TMEM131L: variants seen among roughly 807,000 people sequenced by gnomAD.
TMEM131L encodes the protein transmembrane 131 like.
In TMEM131L, 54 loss-of-function variants were observed where a neutral mutation model predicts 192.2. The ratio of observed to expected loss-of-function variants is 0.28; its 90% CI spans 0.23 to 0.35. TMEM131L has a LOEUF of 0.35. TMEM131L is among the 10% of genes least tolerant of loss of function. The pLI, the probability that TMEM131L is intolerant of heterozygous loss-of-function variation, is 1.00. For synonymous variants in TMEM131L, 701 were observed against 704.9 expected (o/e 0.99, Z 0.09); for missense variants, 1,888 against 1,972.9 (o/e 0.96, Z 0.82).
chr4:153,602,763 G>A (rs755078159), intron 23 of TMEM131L, 36 bp downstream of exon 23: 1 of 1,586,338 alleles, frequency 6.3e-7, no homozygotes, highest in Non-Finnish European at 8.6e-7. Flanking sequence ...CTCTCACTGA[G>A]TAGAGAAGTC....
At chr4:153,496,890 T>C (rs1733211888) in intron 3 of TMEM131L, among the ~76,000 whole-genome samples, 1 of 151,730 alleles carries the variant, frequency 6.6e-6, no homozygotes, top group Admixed American at 6.6e-5. Context: ...AGACAGGGTC[T>C]CATTATGTGG....
At chr4:153,549,990 A>G (rs572802382) in intron 3 of TMEM131L, 83 bp from the exon 4 acceptor site, 193 of 578,386 alleles carry the variant, frequency 3.3e-4, no homozygotes, top group Non-Finnish European at 4.3e-4. Context: ...TCATGCATTG[A>G]GAGTCATTAG....
intron 31 of TMEM131L, among the ~76,000 whole-genome samples, chr4:153,632,129 AT>A (rs1734253492): frequency 6.6e-6 from 1 of 152,184 alleles, no homozygotes; most frequent in Non-Finnish European, 1.5e-5. Flanking sequence ...CCTGGTCAAC[AT>A]GGTGAAACCC....
chr4:153,483,513 A>G (rs1053035160), intron 3 of TMEM131L, among the ~76,000 whole-genome samples: 11 of 152,244 alleles, frequency 7.2e-5, no homozygotes, highest in African/African-American at 2.6e-4. Context: ...CGTGGGTCAC[A>G]AAGTGAGACC....
chr4:153,598,452 T>C, intron 20 of TMEM131L, 138 bp from the exon 21 acceptor site: 1 of 757,706 alleles, frequency 1.3e-6, no homozygotes, highest in Non-Finnish European at 2.1e-6. Flanking sequence ...GATACCACAC[T>C]ATTTAAATTG....
At chr4:153,473,690 G>T (rs973749580) in intron 2 of TMEM131L, among the ~76,000 whole-genome samples, 155 bp from the exon 3 acceptor site, 2 of 152,204 alleles carry the variant, frequency 1.3e-5, no homozygotes, top group Non-Finnish European at 2.9e-5. Flanking sequence ...TACTTGGGAG[G>T]CTGAGGCAGG....
At chr4:153,545,752 C>T (rs1480626037) in intron 3 of TMEM131L, among the ~76,000 whole-genome samples, 1 of 152,180 alleles carries the variant, frequency 6.6e-6, no homozygotes, top group Non-Finnish European at 1.5e-5. Context: ...ACAGGTCCTG[C>T]TGCTGAGAAA....
At position 153,473,846 on chromosome 4, in the gene TMEM131L, G is replaced by A; in HGVS notation, c.197G>A (p.Gly66Asp). Residue 66 changes from glycine (G) to aspartate (D), a missense_variant and splice_region_variant, in exon 3 of 35, where the codon GGT becomes GAT. Gly to Asp is a moderately conservative substitution (Grantham distance 94, BLOSUM62 -1). Transcript: ENST00000409959. The stretch of plus-strand genomic sequence containing the variant: ...TTAACACATGTTCTTTTTCAATAGG[G>A]TGATTCTGAAGAGGGTCTGGAGGAG... ...EEGELLLPTQ[G>D]DSEEGLEEPS... 3 of 1,543,310 alleles carry A rather than the reference G, an allele frequency of 1.9e-6. No homozygotes were observed. The highest frequency in any genetic ancestry group is 2.6e-6 in the Non-Finnish European group (3 of 1,143,710).
chr4:153,486,449 A>G (rs780278749), intron 3 of TMEM131L, among the ~76,000 whole-genome samples: 32 of 152,210 alleles, frequency 2.1e-4, no homozygotes, highest in Non-Finnish European at 4.3e-4. Flanking sequence ...CCCTGACTCA[A>G]CCAGCTCAAA....
intron 3 of TMEM131L, among the ~76,000 whole-genome samples, chr4:153,538,551 A>G (rs1736514822): frequency 6.8e-6 from 1 of 146,790 alleles, no homozygotes; most frequent in Non-Finnish European, 1.5e-5. Context: ...TCAGCCACTT[A>G]GCTTTCTGGT....
At chr4:153,621,132 T>C (rs1733369987) in intron 27 of TMEM131L, among the ~76,000 whole-genome samples, 1 of 152,194 alleles carries the variant, frequency 6.6e-6, no homozygotes, top group Admixed American at 6.5e-5. Context: ...ATTTGGTAGT[T>C]TTTAGGGGAA....
chr4:153,577,482 A>G (rs1016275117), intron 7 of TMEM131L, among the ~76,000 whole-genome samples: 1 of 152,180 alleles, frequency 6.6e-6, no homozygotes, highest in Non-Finnish European at 1.5e-5. Context: ...TAGGCTGTAC[A>G]GTCTCTGTTG....
At chr4:153,502,368 G>A (rs1288720945) in intron 3 of TMEM131L, among the ~76,000 whole-genome samples, 1 of 152,154 alleles carries the variant, frequency 6.6e-6, no homozygotes, top group South Asian at 2.1e-4. Context: ...TCTTCTTAAG[G>A]AGGACAGGAA....
chr4:153,511,053 C>T (rs72971029), intron 3 of TMEM131L, among the ~76,000 whole-genome samples: 3,411 of 152,258 alleles, frequency 0.022, 116 homozygotes, highest in African/African-American at 0.076. Flanking sequence ...TTAGTTCAAC[C>T]ACTGTGGAAA....
At chr4:153,468,741 CT>C (rs1032275968) in intron 2 of TMEM131L, among the ~76,000 whole-genome samples, 2 of 152,006 alleles carry the variant, frequency 1.3e-5, no homozygotes, top group Non-Finnish European at 2.9e-5. Context: ...CTGCTTCCCC[CT>C]CTCCCCCACC....
chr4:153,560,896 A>T (rs1165896563), intron 7 of TMEM131L, among the ~76,000 whole-genome samples: 1 of 152,166 alleles, frequency 6.6e-6, no homozygotes, highest in Non-Finnish European at 1.5e-5. Flanking sequence ...TTAGGTGTAT[A>T]TTTAGGAGTG....
chr4:153,527,286 G>GA (rs1735562473), intron 3 of TMEM131L, among the ~76,000 whole-genome samples: 1 of 151,778 alleles, frequency 6.6e-6, no homozygotes, highest in Non-Finnish European at 1.5e-5. Context: ...CTTTGTGGGG[G>GA]GGCGGTGATG....
chr4:153,602,146 C>T lies in TMEM131L; in HGVS notation c.2267-6C>T. 1 of 1,521,240 alleles carries T rather than the reference C, an allele frequency of 6.6e-7. No individual in the cohort carries two copies. The highest frequency in any genetic ancestry group is 2.0e-5 in the Admixed American group (1 of 50,702). 94.2% of individuals were successfully genotyped at this position (1,521,240 alleles called of 1,614,324 possible). ...ATACTAAATATCTTTTTTTGGTTCC[C>T]ATTAGAACTGAAAGACAGTAAGCAA... On this transcript the variant is annotated splice_polypyrimidine_tract_variant and splice_region_variant and intron_variant, in intron 21 of 34. Coordinates refer to ENST00000409959, the MANE Select transcript of TMEM131L (RefSeq NM_001131007.2).
chr4:153,558,358 C>A lies in TMEM131L; in HGVS notation c.650C>A (p.Ser217Tyr). 1 of 1,594,968 alleles carries A rather than the reference C, an allele frequency of 6.3e-7. No homozygotes were observed. The highest frequency in any genetic ancestry group is 8.6e-7 in the Non-Finnish European group (1 of 1,165,048). The change falls in exon 7 of 35, where the codon TCT becomes TAT. Residue 217 changes from serine (S) to tyrosine (Y), a missense_variant. Ser to Tyr is a moderately radical substitution (Grantham distance 144). Coordinates refer to ENST00000409959, the MANE Select transcript of TMEM131L (RefSeq NM_001131007.2). ...CCAAAGGTCCAGAGCATTCAGCTGTCTCAAATGCAGGTCATTTTAATAGAT... is the reference window on the plus strand; with the variant it reads ...CCAAAGGTCCAGAGCATTCAGCTGTATCAAATGCAGGTCATTTTAATAGAT... ...LLPKVQSIQL[S>Y]QMQAETTNTS...
Sources: gnomAD v4.1 joint callset for allele counts (sites outside exome capture counted in the v4.1 genomes callset) on GRCh38, gnomAD v4.1.1 for gene constraint, MANE v1.5 for transcripts, NCBI Gene and HGNC (gene_info 2026-07-23, HGNC 2026-07-21) for gene names.